CADPS2: variants seen among roughly 807,000 people sequenced by gnomAD.
CADPS2 encodes calcium dependent secretion activator 2.
A neutral mutation model predicts 172.5 loss-of-function variants in CADPS2; 93 were observed. The observed-to-expected ratio is 0.54, with a 90% CI of 0.46 to 0.64. CADPS2 has a LOEUF of 0.64. CADPS2 is among the 30% of genes least tolerant of loss of function. The probability of loss-of-function intolerance (pLI) is 0.00; values close to 1 mark genes in which losing one functional copy is unlikely to be tolerated. For missense variants in CADPS2, 1,420 were observed against 1,565.9 expected (o/e 0.91, Z 1.57); for synonymous variants, 546 against 555.2 (o/e 0.98, Z 0.23).
chr7:122,759,875 G>C (rs2093316120), intron 1 of CADPS2, among the ~76,000 whole-genome samples: 1 of 151,906 alleles, frequency 6.6e-6, no homozygotes, highest in South Asian at 2.1e-4. Context: ...ATCTAAATAG[G>C]ATTATTCCTA....
chr7:122,339,521 T>C (rs2036447736), intron 28 of CADPS2, among the ~76,000 whole-genome samples: 1 of 152,182 alleles, frequency 6.6e-6, no homozygotes, highest in Non-Finnish European at 1.5e-5. Context: ...AGAATAGCAG[T>C]GTTAATCTTA....
intron 2 of CADPS2, among the ~76,000 whole-genome samples, chr7:122,708,986 T>G (rs1022483951): frequency 6.6e-6 from 1 of 152,086 alleles, no homozygotes; most frequent in Non-Finnish European, 1.5e-5. Flanking sequence ...TATCTTCATA[T>G]TAACTCAACC....
intron 3 of CADPS2, among the ~76,000 whole-genome samples, chr7:122,631,217 A>G (rs2076544996): frequency 1.3e-5 from 2 of 152,196 alleles, no homozygotes; most frequent in African/African-American, 4.8e-5. Flanking sequence ...TTCAAAAGAC[A>G]TAAAAAGTTA....
At chr7:122,399,853 AC>A (rs2045714834) in intron 20 of CADPS2, among the ~76,000 whole-genome samples, 2 of 150,080 alleles carry the variant, frequency 1.3e-5, no homozygotes, top group Non-Finnish European at 3.0e-5. Flanking sequence ...CGCCCGGCTA[AC>A]TTTTTGTATT....
At chr7:122,691,975 A>C (rs2084429966) in intron 2 of CADPS2, among the ~76,000 whole-genome samples, 1 of 152,144 alleles carries the variant, frequency 6.6e-6, no homozygotes, top group Admixed American at 6.5e-5. Context: ...CCGGAAATTT[A>C]TCCGGGTTCA....
At chr7:122,670,162 C>T (rs1296328425) in intron 2 of CADPS2, among the ~76,000 whole-genome samples, 2 of 149,464 alleles carry the variant, frequency 1.3e-5, no homozygotes, top group Non-Finnish European at 3.0e-5. Flanking sequence ...TTTTTCTGAA[C>T]TTATTGTCAA....
At chr7:122,425,426 A>G (rs992324810) in intron 17 of CADPS2, among the ~76,000 whole-genome samples, 5 of 51,172 alleles carry the variant, frequency 9.8e-5, no homozygotes, top group Non-Finnish European at 2.1e-4. Flanking sequence ...TATCTCTACC[A>G]AAAAAAAAAA....
chr7:122,763,873 C>T (rs1291901810), intron 1 of CADPS2, among the ~76,000 whole-genome samples: 1 of 152,126 alleles, frequency 6.6e-6, no homozygotes, highest in Non-Finnish European at 1.5e-5. Flanking sequence ...ATAGACTGCA[C>T]TATTTCCAAT....
chr7:122,407,370 C>T (rs993824366), intron 20 of CADPS2, among the ~76,000 whole-genome samples, 170 bp downstream of exon 20: 18 of 152,128 alleles, frequency 1.2e-4, no homozygotes, highest in African/African-American at 4.1e-4. Context: ...GGAGTCTCCC[C>T]GGGCTCCCTT....
At chr7:122,589,742 A>G (rs901613696) in intron 6 of CADPS2, among the ~76,000 whole-genome samples, 3 of 151,922 alleles carry the variant, frequency 2.0e-5, no homozygotes, top group African/African-American at 7.2e-5. Flanking sequence ...AGTGATTAAC[A>G]TAGAAACTGT....
chr7:122,321,548 G>A (rs1191617482), intron 29 of CADPS2, among the ~76,000 whole-genome samples: 3 of 152,018 alleles, frequency 2.0e-5, no homozygotes, highest in African/African-American at 7.3e-5. Flanking sequence ...GAGTGCAGTG[G>A]CACAATCTTG....
chr7:122,523,768 T>A (rs2060994696), intron 8 of CADPS2, among the ~76,000 whole-genome samples: 1 of 152,198 alleles, frequency 6.6e-6, no homozygotes, highest in African/African-American at 2.4e-5. Context: ...TACACATGCT[T>A]CACTGTTTGC....
At chr7:122,654,023 G>A (rs11765061) in intron 3 of CADPS2, among the ~76,000 whole-genome samples, 1 of 152,190 alleles carries the variant, frequency 6.6e-6, no homozygotes, top group East Asian at 1.9e-4. Context: ...TCAAAAGCTA[G>A]AAAGGATTAA....
At chr7:122,645,291 A>ATG (rs1249000834) in intron 3 of CADPS2, among the ~76,000 whole-genome samples, 5 of 139,412 alleles carry the variant, frequency 3.6e-5, no homozygotes, top group African/African-American at 1.3e-4. Context: ...ACATATGTAC[A>ATG]TATATACACA....
intron 3 of CADPS2, among the ~76,000 whole-genome samples, chr7:122,661,634 A>C (rs982929268): frequency 6.6e-6 from 1 of 152,204 alleles, no homozygotes; most frequent in African/African-American, 2.4e-5. Flanking sequence ...TCCCATCCTC[A>C]GAATAAAAAG....
At chr7:122,475,493 C>T (rs2056527040) in intron 12 of CADPS2, among the ~76,000 whole-genome samples, 1 of 152,076 alleles carries the variant, frequency 6.6e-6, no homozygotes, top group African/African-American at 2.4e-5. Context: ...GTTTGTAAAA[C>T]CTATGTAGTA....
chr7:122,502,924 T>C (rs2059324533), intron 9 of CADPS2, among the ~76,000 whole-genome samples: 2 of 152,038 alleles, frequency 1.3e-5, no homozygotes, highest in Non-Finnish European at 2.9e-5. Context: ...TTTTTAATTG[T>C]AGAGAAGCAT....
chr7:122,875,789 A>C (rs190099748), intron 1 of CADPS2, among the ~76,000 whole-genome samples: 134 of 152,328 alleles, frequency 8.8e-4, no homozygotes, highest in African/African-American at 3.0e-3. Context: ...AACTGCACTT[A>C]GAGATAAATT....
intron 6 of CADPS2, among the ~76,000 whole-genome samples, chr7:122,583,168 C>A (rs2069088844): frequency 6.6e-6 from 1 of 151,808 alleles, no homozygotes; most frequent in Non-Finnish European, 1.5e-5. Flanking sequence ...CAAGTATATT[C>A]AAAAACTATT....
Sources: gnomAD v4.1 joint callset for allele counts (sites outside exome capture counted in the v4.1 genomes callset) on GRCh38, gnomAD v4.1.1 for gene constraint, MANE v1.5 for transcripts, NCBI Gene and HGNC (gene_info 2026-07-23, HGNC 2026-07-21) for gene names.